The following RIMBP2 variants were observed in gnomAD, a reference collection of about 807,000 sequenced individuals.
RIMBP2 encodes the protein RIMS binding protein 2.
A neutral mutation model predicts 118.6 loss-of-function variants in RIMBP2; 48 were observed. The ratio of observed to expected loss-of-function variants is 0.40; its 90% CI spans 0.32 to 0.51. The LOEUF (loss-of-function observed/expected upper bound fraction) is 0.51, where lower values mean the gene tolerates loss of function less well. Among genes scored for constraint, RIMBP2 ranks in the 20% least tolerant of loss-of-function variants. RIMBP2 has a pLI of 0.41. For missense variants in RIMBP2, 1,551 were observed against 1,768.3 expected, an observed-to-expected ratio of 0.88 and a Z score of 2.20; for synonymous variants, 762 against 742.9, an observed-to-expected ratio of 1.03 and a Z score of -0.42.
At chr12:130,708,003 T>C (rs1452202625) in intron 1 of RIMBP2, among the ~76,000 whole-genome samples, 1 of 152,074 alleles carries the variant, frequency 6.6e-6, no homozygotes, top group Non-Finnish European at 1.5e-5. Context: ...AAAGTACTGA[T>C]GCCTGTGGGT....
chr12:130,459,238 T>C (rs1297994293), intron 6 of RIMBP2, among the ~76,000 whole-genome samples: 1 of 150,794 alleles, frequency 6.6e-6, no homozygotes, highest in East Asian at 2.0e-4. Flanking sequence ...GTGGTGGTGG[T>C]GGTGGTTACG....
At chr12:130,564,205 G>A (rs137949553) in intron 2 of RIMBP2, among the ~76,000 whole-genome samples, 190 of 150,216 alleles carry the variant, frequency 1.3e-3, no homozygotes, top group African/African-American at 4.5e-3. Flanking sequence ...AGGTGCCCAC[G>A]TGGCTAACTC....
In RIMBP2 at chr12:130,424,976, G is replaced by T. The variant is rs546729424; in HGVS notation, c.2413-118C>A. The T allele has an allele frequency of 7.8e-5, 40 of 513,454 alleles. 1 individual carries two copies. The highest frequency in any genetic ancestry group is 5.6e-4 in the Middle Eastern group (1 of 1,798). The allele number at this position is 513,454 out of a possible 1,614,324, so 31.8% of individuals were successfully genotyped here. A position where few individuals can be genotyped will look rare whatever the true frequency, so the allele number is the denominator to read the frequency against. ...TTAGTCCTGGAGGCACCGAGGGGGG[G>T]GAAGCATGCGTCTACTCAGGCCGGG... On this transcript the variant is annotated intron_variant, in intron 15 of 22. Coordinates refer to ENST00000690449, the MANE Select transcript of RIMBP2 (RefSeq NM_001393629.1). The surrounding 1 kb of genome is among the most constrained non-coding windows in gnomAD (Gnocchi z 9.8).
At chr12:130,459,626 A>G (rs953301970) in intron 6 of RIMBP2, among the ~76,000 whole-genome samples, 1 of 152,162 alleles carries the variant, frequency 6.6e-6, no homozygotes, top group East Asian at 1.9e-4. Context: ...AGGAGCCTAA[A>G]GCGGGTTCTG....
intron 4 of RIMBP2, among the ~76,000 whole-genome samples, chr12:130,501,631 C>A (rs981968859): frequency 6.6e-6 from 1 of 152,234 alleles, no homozygotes. Context: ...GCATAACCTG[C>A]CCCTTAATTT....
intron 2 of RIMBP2, among the ~76,000 whole-genome samples, chr12:130,531,732 C>G (rs1403119605): frequency 6.6e-6 from 1 of 152,206 alleles, no homozygotes. Context: ...GCAAAGTTCA[C>G]CCATGTCATA....
In RIMBP2 at chr12:130,424,129, T is replaced by G; in HGVS notation, c.3129+13A>C. On this transcript the variant is annotated intron_variant, in intron 16 of 22. Transcript: ENST00000690449. This position sits in a 1 kb window ranked among gnomAD's most constrained non-coding sequence, Gnocchi z 9.8. ...TGGCAAGCGGCTGTGAAAAGGAAGTTTAGGTCACACACCAGGGGGCCTTGT... is the reference window on the plus strand; with the variant it reads ...TGGCAAGCGGCTGTGAAAAGGAAGTGTAGGTCACACACCAGGGGGCCTTGT... The G allele has an allele frequency of 4.1e-6, 5 of 1,219,560 alleles. No homozygotes were observed. The highest frequency in any genetic ancestry group is 5.1e-6 in the Non-Finnish European group (5 of 976,494). The allele number at this position is 1,219,560 out of a possible 1,614,324, so 75.5% of individuals were successfully genotyped here.
intron 4 of RIMBP2, among the ~76,000 whole-genome samples, chr12:130,489,841 C>T (rs2048457218): frequency 6.6e-6 from 1 of 152,156 alleles, no homozygotes; most frequent in African/African-American, 2.4e-5. Context: ...ACATTTCTAT[C>T]ACTCTTTCAA....
intron 16 of RIMBP2, among the ~76,000 whole-genome samples, chr12:130,423,566 G>A (rs1028737347): frequency 3.6e-4 from 54 of 151,774 alleles, no homozygotes; most frequent in African/African-American, 1.3e-3. Flanking sequence ...CAGGGCCGGC[G>A]GGGAGAAGGC....
intron 1 of RIMBP2, among the ~76,000 whole-genome samples, chr12:130,684,506 G>C (rs1341299820): frequency 6.6e-6 from 1 of 152,188 alleles, no homozygotes; most frequent in African/African-American, 2.4e-5. Context: ...GTGAGAGCTA[G>C]GAAAAATGAG....
At chr12:130,559,418 T>C (rs2056634090) in intron 2 of RIMBP2, among the ~76,000 whole-genome samples, 1 of 152,206 alleles carries the variant, frequency 6.6e-6, no homozygotes, top group African/African-American at 2.4e-5. Flanking sequence ...ACGTGCCGTT[T>C]GTCTTTCAAT....
chr12:130,569,781 C>A (rs1047312001), intron 2 of RIMBP2, among the ~76,000 whole-genome samples: 1 of 152,210 alleles, frequency 6.6e-6, no homozygotes, highest in African/African-American at 2.4e-5. Context: ...AGCCATGCTT[C>A]CTGTACACCC....
rs1239914702 is a variant in RIMBP2 at position 130,499,925 on chromosome 12, G to A, written c.-4+6723C>T. Among the ~76,000 whole-genome samples, 18 of 152,286 alleles carry A rather than the reference G, an allele frequency of 1.2e-4. No individual in the cohort carries two copies. In the South Asian group the frequency reaches 2.3e-3, roughly 19 times the overall value. ...TTTGAATGAATATATCTTTAGGTGT[G>A]GGTTCAATTAGATTTCTTTATTTTT... On this transcript the variant is annotated intron_variant, in intron 4 of 22. Transcript: ENST00000690449.
intron 2 of RIMBP2, among the ~76,000 whole-genome samples, chr12:130,588,976 C>G (rs2059090062): frequency 6.6e-6 from 1 of 152,212 alleles, no homozygotes; most frequent in Admixed American, 6.5e-5. Context: ...AAATTAATCT[C>G]CTCCAGACTT....
chr12:130,561,997 G>A (rs933737725), intron 2 of RIMBP2, among the ~76,000 whole-genome samples: 30 of 152,170 alleles, frequency 2.0e-4, no homozygotes, highest in Admixed American at 7.2e-4. Context: ...AAAAAATGAC[G>A]GGAAAACTAT....
chr12:130,624,185 G>A (rs749481289), intron 2 of RIMBP2, among the ~76,000 whole-genome samples: 55 of 152,212 alleles, frequency 3.6e-4, no homozygotes, highest in Admixed American at 2.6e-3. Flanking sequence ...TCTGGAAATG[G>A]AAAATACTAA....
chr12:130,566,605 C>T (rs887402898), intron 2 of RIMBP2, among the ~76,000 whole-genome samples: 8 of 152,214 alleles, frequency 5.3e-5, no homozygotes, highest in African/African-American at 1.7e-4. Context: ...CTGCCAGCAA[C>T]CGCACCAGAC....
intron 1 of RIMBP2, among the ~76,000 whole-genome samples, chr12:130,684,920 G>A (rs1174356804): frequency 6.6e-6 from 1 of 152,142 alleles, no homozygotes; most frequent in African/African-American, 2.4e-5. Flanking sequence ...CTGCACTGCA[G>A]ACTCACCCTG....
chr12:130,501,245 G>A (rs769352970), intron 4 of RIMBP2, among the ~76,000 whole-genome samples: 6 of 152,094 alleles, frequency 3.9e-5, no homozygotes, highest in African/African-American at 9.7e-5. Context: ...CCATCATCTC[G>A]CATCAGGACA....
Sources: gnomAD v4.1 joint callset for allele counts (sites outside exome capture counted in the v4.1 genomes callset) on GRCh38, gnomAD v4.1.1 for gene constraint, Gnocchi (gnomAD v3.1) non-coding constraint, MANE v1.5 for transcripts, NCBI Gene and HGNC (gene_info 2026-07-23, HGNC 2026-07-21) for gene names.